Variants in GNG7 observed in about 807,000 individuals in gnomAD.
GNG7 encodes the protein G protein subunit gamma 7, also known as guanine nucleotide-binding protein G(I)/G(S)/G(O) subunit gamma-7.
GNG7 carries 1 observed loss-of-function variant against 4.0 expected under a neutral mutation model. The ratio of observed to expected loss-of-function variants is 0.25; its 90% CI spans 0.09 to 1.18. GNG7 has a LOEUF of 1.18. Among genes scored for constraint, GNG7 ranks in the 50% most tolerant of loss-of-function variants. GNG7 has a pLI of 0.50. For missense variants in GNG7, 86 were observed against 91.9 expected (o/e 0.94, Z 0.26); for synonymous variants, 34 against 36.9 (o/e 0.92, Z 0.29).
intron 3 of GNG7, among the ~76,000 whole-genome samples, chr19:2,526,028 T>C (rs4807293): frequency 0.79 from 113,265 of 143,642 alleles, 44,861 homozygotes; most frequent in African/African-American, 0.87. Context: ...TGGAGTGCAG[T>C]GGCGCGATCT....
At chr19:2,524,740 G>A (rs1978338908) in intron 3 of GNG7, among the ~76,000 whole-genome samples, 1 of 152,202 alleles carries the variant, frequency 6.6e-6, no homozygotes, top group Non-Finnish European at 1.5e-5. Flanking sequence ...ACGTGTGTAT[G>A]TGCACGTGTG....
chr19:2,569,722 C>T (rs757585117), intron 2 of GNG7, among the ~76,000 whole-genome samples: 13 of 152,292 alleles, frequency 8.5e-5, no homozygotes, highest in South Asian at 2.1e-4. Context: ...TGCTGAGCAG[C>T]GTCCCTGGCT....
intron 2 of GNG7, among the ~76,000 whole-genome samples, chr19:2,593,510 G>C (rs1342406423): frequency 6.6e-6 from 1 of 152,086 alleles, no homozygotes; most frequent in Non-Finnish European, 1.5e-5. Context: ...TTGGGAGGCT[G>C]AGGTAGGTGG....
At chr19:2,677,982 A>G (rs1983636586) in intron 1 of GNG7, among the ~76,000 whole-genome samples, 1 of 152,212 alleles carries the variant, frequency 6.6e-6, no homozygotes, top group Admixed American at 6.5e-5. Flanking sequence ...TGGTCACACA[A>G]ACATGAGTGT....
chr19:2,642,062 T>C (rs1599437206), intron 2 of GNG7: 1 of 154,468 alleles, frequency 6.5e-6, no homozygotes, highest in South Asian at 2.0e-4. Flanking sequence ...GGGCAGGAGG[T>C]GCCTACATCC....
At chr19:2,684,371 G>A (rs894356322) in intron 1 of GNG7, among the ~76,000 whole-genome samples, 5 of 151,624 alleles carry the variant, frequency 3.3e-5, no homozygotes, top group East Asian at 2.0e-4. Context: ...TCTTGACCTC[G>A]TGATCCGCCT....
At chr19:2,522,895 C>T (rs1260078387) in intron 3 of GNG7, among the ~76,000 whole-genome samples, 6 of 150,644 alleles carry the variant, frequency 4.0e-5, no homozygotes, top group East Asian at 4.0e-4. Flanking sequence ...GACAGAGTCT[C>T]GCTCTGTTGC....
At chr19:2,615,934 C>T (rs62123729) in intron 2 of GNG7, among the ~76,000 whole-genome samples, 11,777 of 152,242 alleles carry the variant, frequency 0.077, 532 homozygotes, top group African/African-American at 0.12. Context: ...GGCAAAGGGG[C>T]GCCTCCTGTC....
chr19:2,548,690 G>A (rs999342232), intron 3 of GNG7, among the ~76,000 whole-genome samples: 2 of 151,972 alleles, frequency 1.3e-5, no homozygotes, highest in Non-Finnish European at 2.9e-5. Context: ...TCGGGAGGCT[G>A]AGGCAGAAGA....
chr19:2,660,790 CAAAT>C (rs1469035337), intron 1 of GNG7, among the ~76,000 whole-genome samples: 2 of 151,128 alleles, frequency 1.3e-5, no homozygotes, highest in East Asian at 2.0e-4. Context: ...GACCCTGTCT[CAAAT>C]AAATAAATAA....
At chr19:2,547,750 G>T (rs538996412) in intron 3 of GNG7, among the ~76,000 whole-genome samples, 1 of 152,216 alleles carries the variant, frequency 6.6e-6, no homozygotes, top group Non-Finnish European at 1.5e-5. Flanking sequence ...TTCACAAAGG[G>T]TGTTACTTCC....
intron 2 of GNG7, among the ~76,000 whole-genome samples, chr19:2,607,559 T>A (rs1422047030): frequency 3.0e-3 from 66 of 22,148 alleles, no homozygotes; most frequent in Middle Eastern, 0.029. Flanking sequence ...AAGACTAAAA[T>A]GGTAAAAAAA....
chr19:2,608,633 G>A (rs1265527573), intron 2 of GNG7, among the ~76,000 whole-genome samples: 4 of 152,214 alleles, frequency 2.6e-5, no homozygotes, highest in South Asian at 2.1e-4. Context: ...GCAAGGGGCC[G>A]GGTGCCTCCC....
chr19:2,516,359 G>A (rs1266656324), intron 4 of GNG7, among the ~76,000 whole-genome samples: 2 of 151,952 alleles, frequency 1.3e-5, no homozygotes, highest in Non-Finnish European at 2.9e-5. Flanking sequence ...TGAGTAGCTG[G>A]GACTACAGGT....
In GNG7 at chr19:2,626,546, C is replaced by T. The variant is rs1239806865; in HGVS notation, c.-78+19678G>A. Reference sequence around the variant, plus strand: ...CTCTGCACCTGTATCCCCCACCCCACCTGTCACCTTCAGGGCACTAGCAAC... The same window carrying T: ...CTCTGCACCTGTATCCCCCACCCCATCTGTCACCTTCAGGGCACTAGCAAC... On this transcript the variant is annotated intron_variant, in intron 2 of 4. Transcript: ENST00000382159. This position sits in a 1 kb window ranked among gnomAD's most constrained non-coding sequence, Gnocchi z 5.0. 2.6e-5 allele frequency among the ~76,000 whole-genome samples: 4 copies of T among 152,186 alleles called. No homozygotes were observed. Among genetic ancestry groups the T allele is most frequent in the Non-Finnish European group, 5.9e-5 (4 of 68,030 alleles).
At chr19:2,655,870 A>G (rs1982957824) in intron 1 of GNG7, among the ~76,000 whole-genome samples, 2 of 143,904 alleles carry the variant, frequency 1.4e-5, no homozygotes, top group African/African-American at 2.6e-5. Context: ...ATACATATAT[A>G]TATAAATTAG....
chr19:2,555,865 C>T (rs1979526099), intron 2 of GNG7, among the ~76,000 whole-genome samples: 1 of 152,138 alleles, frequency 6.6e-6, no homozygotes, highest in Non-Finnish European at 1.5e-5. Context: ...CTGCACAGGG[C>T]CAGGCCCCGT....
chr19:2,695,591 G>T (rs1913224823), intron 1 of GNG7, among the ~76,000 whole-genome samples: 1 of 152,194 alleles, frequency 6.6e-6, no homozygotes, highest in Non-Finnish European at 1.5e-5. Flanking sequence ...CGGGGAGGTG[G>T]ATGGAGCCAA....
rs1397459681 is a variant in GNG7 at position 2,551,571 on chromosome 19, T to C, written c.-38+3578A>G. The stretch of plus-strand genomic sequence containing the variant: ...TTTATTAATATATATTTATCTATTA[T>C]CTATAATATATAAATATGCATTTAT... On this transcript the variant is annotated intron_variant, in intron 3 of 4. Transcript: ENST00000382159. Among the ~76,000 whole-genome samples, 2 of 78,558 alleles carry C rather than the reference T, an allele frequency of 2.5e-5. 1 individual carries two copies. Among genetic ancestry groups the C allele is most frequent in the African/African-American group, 1.3e-4 (2 of 15,652 alleles). The allele number at this position is 78,558 out of a possible 152,430, so 51.5% of individuals were successfully genotyped here.
Sources: allele counts gnomAD v4.1 joint callset (sites outside exome capture counted in the v4.1 genomes callset), GRCh38; gene constraint gnomAD v4.1.1; non-coding constraint Gnocchi (gnomAD v3.1); transcripts MANE v1.5; gene names NCBI Gene and HGNC (gene_info 2026-07-23, HGNC 2026-07-21).